PRKG1: variants seen among roughly 807,000 people sequenced by gnomAD.
PRKG1 encodes protein kinase cGMP-dependent 1.
PRKG1 carries 35 observed loss-of-function variants against 88.1 expected under a neutral mutation model. That is an observed-to-expected ratio of 0.40 (90% CI 0.30 to 0.53). The LOEUF is 0.53. Ranked by LOEUF, PRKG1 falls within the 20% of genes least tolerant of loss-of-function variation. PRKG1 has a pLI of 0.59. For missense variants in PRKG1, 540 were observed against 839.8 expected (o/e 0.64, Z 4.41); for synonymous variants, 303 against 292.5 (o/e 1.04, Z -0.37).
intron 2 of PRKG1, among the ~76,000 whole-genome samples, chr10:51,269,346 C>T (rs1839918069): frequency 1.3e-5 from 2 of 151,942 alleles, no homozygotes; most frequent in East Asian, 1.9e-4. Flanking sequence ...AATAGAATAC[C>T]ATTTAATCCA....
chr10:51,589,658 T>C (rs1256172373), intron 3 of PRKG1, among the ~76,000 whole-genome samples: 1 of 152,144 alleles, frequency 6.6e-6, no homozygotes, highest in Non-Finnish European at 1.5e-5. Flanking sequence ...TGCAATACTT[T>C]ATTCTATGTG....
intron 7 of PRKG1, among the ~76,000 whole-genome samples, chr10:52,066,813 A>G (rs767097330): frequency 5.9e-5 from 9 of 152,214 alleles, no homozygotes; most frequent in Non-Finnish European, 8.8e-5. Context: ...AAACCAACAG[A>G]CCATTTCTGC....
chr10:51,686,135 C>T (rs1840983932), intron 3 of PRKG1, among the ~76,000 whole-genome samples: 2 of 152,106 alleles, frequency 1.3e-5, no homozygotes, highest in African/African-American at 4.8e-5. Context: ...TAGTTTTGGG[C>T]CATTTTATTT....
intron 3 of PRKG1, among the ~76,000 whole-genome samples, chr10:51,555,985 G>C (rs577222414): frequency 4.6e-5 from 7 of 151,978 alleles, no homozygotes; most frequent in African/African-American, 1.4e-4. Context: ...AAAAGAAAGG[G>C]GGAACAGAGA....
At chr10:51,207,488 G>C (rs1345281111) in intron 2 of PRKG1, among the ~76,000 whole-genome samples, 1 of 152,050 alleles carries the variant, frequency 6.6e-6, no homozygotes, top group Non-Finnish European at 1.5e-5. Flanking sequence ...TACCTCGCTG[G>C]TGCCTGCCTT....
chr10:51,835,750 C>T (rs1050801660), intron 4 of PRKG1, among the ~76,000 whole-genome samples: 1 of 152,090 alleles, frequency 6.6e-6, no homozygotes, highest in African/African-American at 2.4e-5. Context: ...TGGATATATA[C>T]CCATTAGTGG....
intron 1 of PRKG1, among the ~76,000 whole-genome samples, chr10:51,131,446 A>G (rs1326915467): frequency 1.3e-5 from 2 of 152,166 alleles, no homozygotes; most frequent in Admixed American, 1.3e-4. Flanking sequence ...TGTTTAACCT[A>G]TTAAAACGGA....
chr10:52,162,048 C>A, intron 9 of PRKG1, 85 bp downstream of exon 9: 1 of 1,150,750 alleles, frequency 8.7e-7, no homozygotes, highest in Non-Finnish European at 1.3e-6. Context: ...TTGACACATC[C>A]CAACACTCTG....
intron 2 of PRKG1, among the ~76,000 whole-genome samples, chr10:51,453,192 A>T (rs934601405): frequency 1.3e-5 from 2 of 151,862 alleles, no homozygotes. Context: ...TCTCTTCTTC[A>T]TTAATCTCAC....
chr10:51,765,006 G>C (rs1284566971), intron 3 of PRKG1, among the ~76,000 whole-genome samples: 3 of 152,178 alleles, frequency 2.0e-5, no homozygotes, highest in Non-Finnish European at 4.4e-5. Flanking sequence ...CTCCTAAACT[G>C]TGAGAAATAA....
At chr10:51,441,842 A>G (rs1268974325) in intron 2 of PRKG1, among the ~76,000 whole-genome samples, 1 of 151,948 alleles carries the variant, frequency 6.6e-6, no homozygotes, top group Non-Finnish European at 1.5e-5. Context: ...TTCAGCCAAA[A>G]TGTATTATTT....
intron 2 of PRKG1, among the ~76,000 whole-genome samples, chr10:51,392,986 G>T (rs1445656081): frequency 1.3e-5 from 2 of 151,132 alleles, no homozygotes; most frequent in African/African-American, 4.9e-5. Flanking sequence ...CCCGGACAGG[G>T]TAGCTGCCGG....
intron 4 of PRKG1, among the ~76,000 whole-genome samples, chr10:51,886,930 T>G (rs10823818): frequency 0.75 from 114,381 of 151,960 alleles, 43,562 homozygotes; most frequent in African/African-American, 0.87. Flanking sequence ...ATCTGTATTT[T>G]GTTGAATCTG....
chr10:52,210,818 A>T (rs1839952014), intron 9 of PRKG1, among the ~76,000 whole-genome samples: 1 of 152,324 alleles, frequency 6.6e-6, no homozygotes, highest in South Asian at 2.1e-4. Context: ...ATTATAGAGG[A>T]TCAAAAGCCT....
chr10:51,685,744 T>C (rs1392670229), intron 3 of PRKG1, among the ~76,000 whole-genome samples: 1 of 152,184 alleles, frequency 6.6e-6, no homozygotes. Flanking sequence ...CAGCTGGAAA[T>C]GAACTGGAGA....
intron 1 of PRKG1, among the ~76,000 whole-genome samples, chr10:51,045,027 GA>G (rs1843469555): frequency 6.6e-6 from 1 of 152,144 alleles, no homozygotes. Flanking sequence ...GTGTGGCAAG[GA>G]AACTATGTTG....
rs201683049 is a variant in PRKG1, at chr10:51,728,449, C to CTTTTTTTTTTT, written c.593-76133_593-76132insTTTTTTTTTTT. On this transcript the variant is annotated intron_variant, in intron 3 of 17. Coordinates refer to ENST00000373980, the MANE Select transcript of PRKG1 (RefSeq NM_006258.4). The stretch of plus-strand genomic sequence containing the variant: ...AAACAATAGCAAAATTCCATTTTTT[C>CTTTTTTTTTTT]TTTGTTTTTTTTTTTTTTTTTTTTT... Among the ~76,000 whole-genome samples the CTTTTTTTTTTT allele has an allele frequency of 2.1e-3, 124 of 57,812 alleles. 5 individuals carry two copies. The highest frequency in any genetic ancestry group is 2.4e-3 in the Non-Finnish European group (69 of 28,574). 37.9% of individuals were successfully genotyped at this position (57,812 alleles called of 152,430 possible). A position where few individuals can be genotyped will look rare whatever the true frequency, so the allele number is the denominator to read the frequency against.
chr10:52,160,054 A>G (rs983541502), intron 8 of PRKG1, among the ~76,000 whole-genome samples: 6 of 151,926 alleles, frequency 3.9e-5, no homozygotes, highest in African/African-American at 1.4e-4. Context: ...TGGACAAGGA[A>G]CTTAAACTGT....
chr10:52,041,530 T>A (rs1845754887), intron 5 of PRKG1, among the ~76,000 whole-genome samples: 1 of 152,166 alleles, frequency 6.6e-6, no homozygotes, highest in South Asian at 2.1e-4. Context: ...TCCAGTTATC[T>A]GGAATGGTTT....
Sources: allele counts gnomAD v4.1 joint callset (sites outside exome capture counted in the v4.1 genomes callset), GRCh38; gene constraint gnomAD v4.1.1; transcripts MANE v1.5; gene names NCBI Gene and HGNC (gene_info 2026-07-23, HGNC 2026-07-21).